Variants in ANKRD26 observed in about 807,000 individuals in gnomAD.
ANKRD26 encodes the protein ankyrin repeat domain-containing protein 26.
A neutral mutation model predicts 208.7 loss-of-function variants in ANKRD26; 141 were observed. The observed-to-expected ratio is 0.68, with a 90% CI of 0.59 to 0.78. The LOEUF (loss-of-function observed/expected upper bound fraction) is 0.78. Among genes scored for constraint, ANKRD26 ranks in the 30% least tolerant of loss-of-function variants. The pLI is 0.00. For missense variants in ANKRD26, 1,889 were observed against 1,938.7 expected (o/e 0.97, Z 0.48); for synonymous variants, 636 against 660.4 (o/e 0.96, Z 0.57).
At position 27,035,010 on chromosome 10, in the gene ANKRD26, C is replaced by T. The variant is rs374176783; in HGVS notation, c.3440G>A (p.Arg1147Gln). 26 of 1,613,778 alleles carry T rather than the reference C, an allele frequency of 1.6e-5. No individual in the cohort carries two copies. The African/African-American group carries it at 2.0e-4, about 12-fold the overall frequency. Reference sequence around the variant, plus strand: ...GTTGTGGGCATCATCCAGTTGTTGTCGAAGCAACATATTCTCACTTTGTAG... The same window carrying T: ...GTTGTGGGCATCATCCAGTTGTTGTTGAAGCAACATATTCTCACTTTGTAG... The part of the protein sequence containing the change: ...SQLQSENMLL[R>Q]QQLDDAHNKA... Residue 1147 changes from arginine (R) to glutamine (Q), a missense_variant, in exon 24 of 34, where the codon CGA (arginine) becomes CAA (glutamine). This residue lies in a region of ANKRD26 where 613 missense variants were observed against 648.2 expected (regional missense o/e 0.95). Coordinates refer to ENST00000376087, the MANE Select transcript of ANKRD26 (RefSeq NM_014915.3).
intron 16 of ANKRD26, chr10:27,051,914 G>T: frequency 1.0e-6 from 1 of 985,304 alleles, no homozygotes; most frequent in Non-Finnish European, 1.2e-6. Context: ...CATTTGTGAT[G>T]AGTTTTAAGT....
intron 1 of ANKRD26, among the ~76,000 whole-genome samples, chr10:27,099,883 C>T (rs1257144636): frequency 2.0e-5 from 3 of 151,976 alleles, no homozygotes; most frequent in Admixed American, 6.6e-5. Context: ...TCGGGGGGAT[C>T]GGAAACCAGC....
chr10:26,951,713 T>C, the ANKRD26 span, among the ~76,000 whole-genome samples: 2 of 152,248 alleles, frequency 1.3e-5, no homozygotes, highest in African/African-American at 4.8e-5. Context: ...GTTGTATGCA[T>C]TGGCTAGAGA....
chr10:27,004,438 T>C lies in ANKRD26; in HGVS notation c.*1152A>G, dbSNP rs1006333342. ...GAGGGTTCGATGGGGAGTAGAGATA[T>C]GTACATAGTCTCAAATTACCTCCCT... On this transcript the variant is annotated 3_prime_UTR_variant, in exon 34 of 34. Transcript: ENST00000376087. 1.3e-5 allele frequency: 2 copies of C among 152,130 alleles called. No individual in the cohort carries two copies. Among genetic ancestry groups the C allele is most frequent in the African/African-American group, 4.8e-5 (2 of 41,424 alleles). 9.4% of individuals were successfully genotyped at this position (152,130 alleles called of 1,614,324 possible).
downstream of ANKRD26, among the ~76,000 whole-genome samples, chr10:26,972,092 A>G (rs7079569): frequency 0.21 from 31,440 of 151,802 alleles, 4,849 homozygotes; most frequent in African/African-American, 0.43. Flanking sequence ...AAAATTAGCC[A>G]GGCGTGGTGG....
rs1016324395 is a variant in ANKRD26 at position 27,005,131 on chromosome 10, T to C, written c.*459A>G. 8.1e-6 allele frequency: 8 copies of C among 985,900 alleles called. No homozygotes were observed. In the South Asian group the frequency reaches 2.3e-4, roughly 29 times the overall value. 61.1% of individuals were successfully genotyped at this position (985,900 alleles called of 1,614,324 possible). On this transcript the variant is annotated 3_prime_UTR_variant, in exon 34 of 34. Transcript: ENST00000376087. ...TCTTGTTTCTCCCTGAGAACAGCTATATAAATCAGTGCTTAAAATTAAAAT... is the reference window on the plus strand; with the variant it reads ...TCTTGTTTCTCCCTGAGAACAGCTACATAAATCAGTGCTTAAAATTAAAAT...
exon 6 of ANKRD26, among the ~76,000 whole-genome samples, chr10:26,975,402 C>CTTTTTTTTTTTTTTTT (rs60226106): frequency 2.1e-4 from 19 of 90,482 alleles, no homozygotes; most frequent in Non-Finnish European, 2.8e-4. Flanking sequence ...CTAATTTTTG[C>CTTTTTTTTTTTTTTTT]TTTTTTTTTT....
At position 27,059,055 on chromosome 10, in the gene ANKRD26, C is replaced by T. The variant is rs900460625; in HGVS notation, c.1564+1290G>A. Among the ~76,000 whole-genome samples, 7 of 151,770 alleles carry T rather than the reference C, an allele frequency of 4.6e-5. No individual in the cohort carries two copies. In the South Asian group the frequency reaches 6.2e-4, roughly 14 times the overall value. On this transcript the variant is annotated intron_variant, in intron 15 of 33. Coordinates refer to ENST00000376087, the MANE Select transcript of ANKRD26 (RefSeq NM_014915.3). ...TCAGCCTCCTGAGTAGCTGGGACTA[C>T]GGGAGCCTGCCACCACGCCTGGCTA...
chr10:27,006,909 C>T lies in ANKRD26; in HGVS notation c.4999+8G>A. 1 of 1,604,772 alleles carries T rather than the reference C, an allele frequency of 6.2e-7. No individual in the cohort carries two copies. The highest frequency in any genetic ancestry group is 1.3e-5 in the African/African-American group (1 of 74,840). On this transcript the variant is annotated splice_region_variant and intron_variant, in intron 33 of 33. Transcript: ENST00000376087. The stretch of plus-strand genomic sequence containing the variant: ...TCTAAATTTAATTCATGAAGTTTGG[C>T]AACATACCTTCTTTGAGTTCTCTAG...
chr10:26,965,578 A>C, the ANKRD26 span, among the ~76,000 whole-genome samples: 1 of 152,176 alleles, frequency 6.6e-6, no homozygotes, highest in African/African-American at 2.4e-5. Flanking sequence ...ATGGGCAAAA[A>C]TTCATGACAA....
At chr10:27,045,244 C>A (rs775825519) in intron 18 of ANKRD26, among the ~76,000 whole-genome samples, 1 of 151,920 alleles carries the variant, frequency 6.6e-6, no homozygotes, top group Non-Finnish European at 1.5e-5. Flanking sequence ...GCCAACATGG[C>A]GCAACCCTGT....
At chr10:27,067,609 GAGC>G (rs1471588267) in intron 9 of ANKRD26, among the ~76,000 whole-genome samples, 1 of 152,132 alleles carries the variant, frequency 6.6e-6, no homozygotes, top group African/African-American at 2.4e-5. Flanking sequence ...CAGGGCAAGA[GAGC>G]AAGGTGGGGA....
chr10:27,059,121 A>C (rs1203190460), intron 15 of ANKRD26, among the ~76,000 whole-genome samples: 2 of 149,974 alleles, frequency 1.3e-5, no homozygotes, highest in Non-Finnish European at 3.0e-5. Flanking sequence ...TCACCGTGTT[A>C]GCCGGGATGG....
In ANKRD26 at chr10:27,004,311, A is replaced by G. The variant is rs936485571; in HGVS notation, c.*1279T>C. On this transcript the variant is annotated 3_prime_UTR_variant, in exon 34 of 34. Coordinates refer to ENST00000376087, the MANE Select transcript of ANKRD26 (RefSeq NM_014915.3). The stretch of plus-strand genomic sequence containing the variant: ...GTTGTCAAAATATAACATTTCTTAA[A>G]AGAAAAACAAATTTTTAATAACAAT... 4.6e-5 allele frequency: 7 copies of G among 152,112 alleles called. No individual in the cohort carries two copies. The highest frequency in any genetic ancestry group is 1.7e-4 in the African/African-American group (7 of 41,426). The allele number at this position is 152,112 out of a possible 1,614,324, so 9.4% of individuals were successfully genotyped here. A position where few individuals can be genotyped will look rare whatever the true frequency, so the allele number is the denominator to read the frequency against.
chr10:27,086,761 C>CT lies in ANKRD26; in HGVS notation c.639-153dup, dbSNP rs1255812481. The CT allele has an allele frequency of 1.1e-3, 420 of 377,356 alleles. 3 individuals are homozygous for CT. The highest frequency in any genetic ancestry group is 2.3e-3 in the African/African-American group (80 of 34,998). 23.4% of individuals were successfully genotyped at this position (377,356 alleles called of 1,614,324 possible). A position where few individuals can be genotyped will look rare whatever the true frequency, so the allele number is the denominator to read the frequency against. On this transcript the variant is annotated intron_variant, in intron 4 of 33. Coordinates refer to ENST00000376087, the MANE Select transcript of ANKRD26 (RefSeq NM_014915.3). ...ACTTCAAATATGTAAGCTCTACAAA[C>CT]TTTTTTGTTTTTTTTTTTTTTTTTT...
At position 27,009,717 on chromosome 10, in the gene ANKRD26, C is replaced by T. The variant is rs181056153; in HGVS notation, c.4954-2755G>A. 9.2e-5 allele frequency among the ~76,000 whole-genome samples: 14 copies of T among 152,064 alleles called. No homozygotes were observed. The East Asian group carries it at 9.7e-4, about 11-fold the overall frequency. ...AATAATTTAATGCATAATACAAAAT[C>T]GAAAGCTATTATGGAGTAAAATAAA... is the stretch of plus-strand genomic sequence containing the variant. On this transcript the variant is annotated intron_variant, in intron 32 of 33. Coordinates refer to ENST00000376087, the MANE Select transcript of ANKRD26 (RefSeq NM_014915.3).
chr10:26,994,347 T>C (rs1717369992), intron 5 of ANKRD26, among the ~76,000 whole-genome samples: 1 of 152,172 alleles, frequency 6.6e-6, no homozygotes, highest in Non-Finnish European at 1.5e-5. Flanking sequence ...TTTCCAATAA[T>C]ATTGTTTACA....
At chr10:26,996,080 G>A (rs940615545) in intron 4 of ANKRD26, among the ~76,000 whole-genome samples, 8 of 152,128 alleles carry the variant, frequency 5.3e-5, no homozygotes, top group Non-Finnish European at 8.8e-5. Flanking sequence ...GACTGGGAGT[G>A]GGTACAGCTG....
Position 27,035,172 on chromosome 10 carries a change from C to T in ANKRD26, c.3278G>A (p.Gly1093Asp), listed in dbSNP as rs2054002278. 1 of 1,613,928 alleles carries T rather than the reference C, an allele frequency of 6.2e-7. No individual in the cohort carries two copies. The highest frequency in any genetic ancestry group is 1.3e-5 in the African/African-American group (1 of 74,932). Residue 1093 changes from glycine to aspartate, a missense_variant, in exon 24 of 34, where the codon GGT becomes GAT. Gly to Asp is a moderately conservative substitution (Grantham distance 94). This residue lies in a region of ANKRD26 where 1,272 missense variants were observed against 1,273.8 expected (regional missense o/e 1.00). Transcript: ENST00000376087. Reference protein sequence around the residue: ...TRDALREKTLGLERVQKDLSQ... With the variant: ...TRDALREKTLDLERVQKDLSQ... ...TAGGTCCTTTTGTACCCGTTCTAAA[C>T]CCAAAGTCTTTTCTCTGAGGGCATC... is the stretch of plus-strand genomic sequence containing the variant.
Sources: allele counts gnomAD v4.1 joint callset (sites outside exome capture counted in the v4.1 genomes callset), GRCh38; gene constraint gnomAD v4.1.1; regional missense constraint gnomAD v4.1.1; transcripts MANE v1.5; gene names NCBI Gene and HGNC (gene_info 2026-07-23, HGNC 2026-07-21).